Variants in KDM6A observed in about 807,000 individuals in gnomAD.
KDM6A encodes the protein lysine-specific demethylase 6A.
KDM6A carries 11 observed loss-of-function variants against 117.6 expected under a neutral mutation model. That is an observed-to-expected ratio of 0.09 (90% CI 0.06 to 0.15). KDM6A has a LOEUF of 0.15. Among genes scored for constraint, KDM6A ranks in the 10% least tolerant of loss-of-function variants. The probability of loss-of-function intolerance (pLI) is 1.00; values close to 1 mark genes in which losing one functional copy is unlikely to be tolerated. For missense variants in KDM6A, 799 were observed against 1,077.3 expected, an observed-to-expected ratio of 0.74 and a Z score of 3.62; for synonymous variants, 384 against 396.1, an observed-to-expected ratio of 0.97 and a Z score of 0.36.
Position 45,083,721 on chromosome X carries a change from TC to T in KDM6A, c.3589+115del, listed in dbSNP as rs778520323. On this transcript the variant is annotated intron_variant, in intron 24 of 29. Coordinates refer to ENST00000611820, the MANE Select transcript of KDM6A (RefSeq NM_001291415.2). ...TATAATGAATAAAACTGAGAGTTGT[TC>T]CTGTTATAAGACTTTTTAACTGGGC... 2.4e-5 allele frequency: 17 copies of T among 699,990 alleles called. No homozygotes were observed. In the South Asian group the frequency reaches 4.1e-4, roughly 17 times the overall value. The allele number at this position is 699,990 out of a possible 1,213,427, so 57.7% of individuals were successfully genotyped here.
At chrX:45,025,142 G>C (rs2042315361) in intron 6 of KDM6A, among the ~76,000 whole-genome samples, 2 of 111,532 alleles carry the variant, frequency 1.8e-5, no homozygotes, top group Admixed American at 1.9e-4. Flanking sequence ...TGGTTGCCTA[G>C]TTAATGCCAT....
intron 6 of KDM6A, among the ~76,000 whole-genome samples, chrX:45,028,656 C>G (rs1413141421): frequency 8.9e-6 from 1 of 111,895 alleles, no homozygotes. Flanking sequence ...CATCCTTTCT[C>G]TGTTCTTTTC....
intron 17 of KDM6A, among the ~76,000 whole-genome samples, chrX:45,068,858 C>CCCTT (rs1468228806): frequency 9.4e-6 from 1 of 106,078 alleles, no homozygotes; most frequent in African/African-American, 3.5e-5. Context: ...CTTTCCCTTT[C>CCCTT]TCTCTCTCTT....
At chrX:45,101,929 A>G (rs1241158878) in intron 27 of KDM6A, among the ~76,000 whole-genome samples, 1 of 111,352 alleles carries the variant, frequency 9.0e-6, no homozygotes, top group East Asian at 2.8e-4. Context: ...TAAGTTAAAT[A>G]TCCCCTTTTT....
chrX:44,902,835 T>G lies in KDM6A; in HGVS notation c.225+28848T>G, dbSNP rs1220838753. Reference sequence around the variant, plus strand: ...TCCAAGATCAAGGCACTCCCAGATTTAGCATCTAGTGAAGGCTAGCTTTCT... The same window carrying G: ...TCCAAGATCAAGGCACTCCCAGATTGAGCATCTAGTGAAGGCTAGCTTTCT... On this transcript the variant is annotated intron_variant, in intron 2 of 29. Coordinates refer to ENST00000611820, the MANE Select transcript of KDM6A (RefSeq NM_001291415.2). Among the ~76,000 whole-genome samples, 6 of 112,279 alleles carry G rather than the reference T, an allele frequency of 5.3e-5. No homozygotes were observed. The East Asian group carries it at 1.7e-3, about 31-fold the overall frequency.
At chrX:44,936,449 T>C (rs2146999307) in intron 2 of KDM6A, among the ~76,000 whole-genome samples, 1 of 112,106 alleles carries the variant, frequency 8.9e-6, no homozygotes, top group South Asian at 3.7e-4. Flanking sequence ...TCTATAGAGA[T>C]ATGCTCAGTT....
intron 27 of KDM6A, among the ~76,000 whole-genome samples, chrX:45,097,085 A>G (rs764708056): frequency 1.8e-5 from 2 of 111,490 alleles, no homozygotes; most frequent in Non-Finnish European, 3.8e-5. Flanking sequence ...TGGAGGCCAT[A>G]TCCTCAGCAA....
At chrX:44,976,814 T>A (rs1276783096) in intron 4 of KDM6A, among the ~76,000 whole-genome samples, 1 of 111,333 alleles carries the variant, frequency 9.0e-6, no homozygotes, top group Non-Finnish European at 1.9e-5. Context: ...TTGTGTGACA[T>A]AATATTTTCA....
chrX:45,037,946 G>T (rs1249823129), intron 8 of KDM6A, among the ~76,000 whole-genome samples: 1 of 111,795 alleles, frequency 8.9e-6, no homozygotes, highest in Non-Finnish European at 1.9e-5. Context: ...TTGCGGCTGG[G>T]CGCGGTAGCT....
In KDM6A at chrX:44,990,553, CATAA is replaced by C. The variant is rs373439965; in HGVS notation, c.384+15872_384+15875del. On this transcript the variant is annotated intron_variant, in intron 4 of 29. Transcript: ENST00000611820. ...CAACGAGCGAAACTGTGTCTCAAAA[CATAA>C]ATAAATAAATAAATAAATAAATAAA... Among the ~76,000 whole-genome samples, 650 of 93,823 alleles carry C rather than the reference CATAA, an allele frequency of 6.9e-3. 4 individuals are homozygous for C. The highest frequency in any genetic ancestry group is 0.021 in the African/African-American group (542 of 25,232). 81.5% of individuals were successfully genotyped at this position (93,823 alleles called of 115,157 possible).
chrX:44,898,679 C>T (rs751684694), intron 2 of KDM6A, among the ~76,000 whole-genome samples: 9 of 111,503 alleles, frequency 8.1e-5, no homozygotes, highest in East Asian at 2.8e-4. Flanking sequence ...GTCTGAACAC[C>T]GCTTGCTCTT....
chrX:45,076,557 C>T (rs2045123599), intron 18 of KDM6A, 140 bp from the exon 19 acceptor site: 1 of 456,271 alleles, frequency 2.2e-6, no homozygotes, highest in Non-Finnish European at 3.8e-6. Context: ...AGTGTTTTTC[C>T]TGATGGATCC....
Position 44,917,660 on chromosome X carries a change from G to A in KDM6A, c.226-43624G>A, listed in dbSNP as rs763547744. ...CTCCTGCGCTTCCTTATATGAGATA[G>A]GCAGAAGAAATAGTATAGTATTCTT... On this transcript the variant is annotated intron_variant, in intron 2 of 29. Transcript: ENST00000611820. Among the ~76,000 whole-genome samples, 4 of 111,711 alleles carry A rather than the reference G, an allele frequency of 3.6e-5. No homozygotes were observed. The East Asian group carries it at 1.1e-3, about 31-fold the overall frequency.
chrX:44,907,922 G>C (rs969596495), intron 2 of KDM6A, among the ~76,000 whole-genome samples: 5 of 109,380 alleles, frequency 4.6e-5, no homozygotes, highest in African/African-American at 1.7e-4. Context: ...CTGTGGAAGT[G>C]GACTTGGGCC....
intron 3 of KDM6A, among the ~76,000 whole-genome samples, chrX:44,963,214 C>T (rs991940344): frequency 9.0e-6 from 1 of 110,805 alleles, no homozygotes; most frequent in African/African-American, 3.3e-5. Flanking sequence ...GTGATTCCAG[C>T]ATTTTGGGAG....
intron 2 of KDM6A, among the ~76,000 whole-genome samples, chrX:44,877,650 TA>T (rs1380429449): frequency 9.1e-6 from 1 of 109,805 alleles, no homozygotes; most frequent in Non-Finnish European, 1.9e-5. Context: ...GTTATAGTAA[TA>T]ATGCTAGGGG....
intron 2 of KDM6A, among the ~76,000 whole-genome samples, chrX:44,894,440 T>C (rs1009978361): frequency 9.1e-6 from 1 of 110,002 alleles, no homozygotes; most frequent in Non-Finnish European, 1.9e-5. Context: ...TTTTGAGGAG[T>C]TGATCTGTTT....
chrX:44,947,137 A>G (rs190880759), intron 2 of KDM6A, among the ~76,000 whole-genome samples: 151 of 111,537 alleles, frequency 1.4e-3, no homozygotes, highest in African/African-American at 4.9e-3. Context: ...ATATCTACAT[A>G]TTGATTACCT....
intron 27 of KDM6A, among the ~76,000 whole-genome samples, chrX:45,100,660 T>C (rs2046305152): frequency 9.0e-6 from 1 of 110,728 alleles, no homozygotes; most frequent in African/African-American, 3.3e-5. Flanking sequence ...TGCCAGACAC[T>C]AACACATTCT....
Sources: allele counts gnomAD v4.1 joint callset (sites outside exome capture counted in the v4.1 genomes callset), GRCh38; gene constraint gnomAD v4.1.1; transcripts MANE v1.5; gene names NCBI Gene and HGNC (gene_info 2026-07-23, HGNC 2026-07-21).